IQGAP2: variants seen among roughly 807,000 people sequenced by gnomAD.
IQGAP2 encodes the protein IQ motif containing GTPase activating protein 2, also known as ras GTPase-activating-like protein IQGAP2.
In IQGAP2, 173 loss-of-function variants were observed where a neutral mutation model predicts 201.3. That is an observed-to-expected ratio of 0.86 (90% CI 0.76 to 0.98). IQGAP2 has a LOEUF of 0.98. Among genes scored for constraint, IQGAP2 ranks in the 50% least tolerant of loss-of-function variants. IQGAP2 has a pLI of 0.00. For missense variants in IQGAP2, 1,687 were observed against 1,864.8 expected, an observed-to-expected ratio of 0.90 and a Z score of 1.76; for synonymous variants, 675 against 673.9, an observed-to-expected ratio of 1.00 and a Z score of -0.03.
intron 2 of IQGAP2, among the ~76,000 whole-genome samples, chr5:76,529,379 C>T (rs1241080682): frequency 6.6e-6 from 1 of 152,052 alleles, no homozygotes; most frequent in Admixed American, 6.5e-5. Flanking sequence ...CCTGTAATCC[C>T]AGCACTTTGG....
chr5:76,698,929 T>C (rs1456110359), intron 33 of IQGAP2, among the ~76,000 whole-genome samples: 1 of 152,214 alleles, frequency 6.6e-6, no homozygotes, highest in Non-Finnish European at 1.5e-5. Context: ...ATTATTACAA[T>C]GTGAAATAAT....
intron 17 of IQGAP2, among the ~76,000 whole-genome samples, chr5:76,650,663 T>C (rs1752446202): frequency 6.6e-6 from 1 of 152,250 alleles, no homozygotes; most frequent in Non-Finnish European, 1.5e-5. Context: ...AGGGTACATG[T>C]GCACAACGTG....
At chr5:76,462,578 T>C (rs1223841940) in intron 2 of IQGAP2, among the ~76,000 whole-genome samples, 3 of 152,276 alleles carry the variant, frequency 2.0e-5, no homozygotes, top group Non-Finnish European at 2.9e-5. Flanking sequence ...TATGCCAGGG[T>C]GGAGCGACAG....
At chr5:76,560,094 G>T (rs1744257308) in intron 2 of IQGAP2, among the ~76,000 whole-genome samples, 2 of 152,122 alleles carry the variant, frequency 1.3e-5, no homozygotes, top group South Asian at 2.1e-4. Context: ...TAACATAGAA[G>T]TGTTTTGGTC....
At chr5:76,410,536 G>A (rs900870345) in intron 1 of IQGAP2, among the ~76,000 whole-genome samples, 1 of 152,130 alleles carries the variant, frequency 6.6e-6, no homozygotes, top group African/African-American at 2.4e-5. Flanking sequence ...GCTGCTTAGC[G>A]GCCTCTTCAC....
At chr5:76,525,465 T>C (rs1268536004) in intron 2 of IQGAP2, among the ~76,000 whole-genome samples, 1 of 149,344 alleles carries the variant, frequency 6.7e-6, no homozygotes, top group Non-Finnish European at 1.5e-5. Context: ...TCCAGTGAAT[T>C]TTTTTTTTTT....
intron 30 of IQGAP2, among the ~76,000 whole-genome samples, chr5:76,685,897 G>A (rs1403202474): frequency 6.6e-6 from 1 of 152,166 alleles, no homozygotes; most frequent in East Asian, 1.9e-4. Context: ...TTTATCAGAT[G>A]TGAACCCTGT....
chr5:76,642,011 A>G (rs1156541185), intron 17 of IQGAP2, among the ~76,000 whole-genome samples: 1 of 152,164 alleles, frequency 6.6e-6, no homozygotes, highest in Non-Finnish European at 1.5e-5. Context: ...GGAGCTTAAG[A>G]TATTATTAGC....
intron 1 of IQGAP2, among the ~76,000 whole-genome samples, chr5:76,460,430 T>G (rs993832806): frequency 6.6e-6 from 1 of 152,130 alleles, no homozygotes; most frequent in Non-Finnish European, 1.5e-5. Flanking sequence ...GAACTTGTTC[T>G]GTAGGAAATA....
At chr5:76,439,609 T>A (rs1752916804) in intron 1 of IQGAP2, among the ~76,000 whole-genome samples, 1 of 152,186 alleles carries the variant, frequency 6.6e-6, no homozygotes, top group African/African-American at 2.4e-5. Context: ...CTTTGTCTTT[T>A]TTTTTCTTTT....
At position 76,624,909 on chromosome 5, in the gene IQGAP2, A is replaced by G. The variant is rs532061859; in HGVS notation, c.1522-2501A>G. 5.1e-4 allele frequency among the ~76,000 whole-genome samples: 77 copies of G among 152,270 alleles called. 1 individual carries two copies. Among genetic ancestry groups the G allele is most frequent in the Admixed American group, 2.0e-3 (31 of 15,300 alleles). ...ACCAACATGGTGAAACCCCATCTCT[A>G]CTAAAAATGCAAAAATTAGCTGAGC... is the stretch of plus-strand genomic sequence containing the variant. On this transcript the variant is annotated intron_variant, in intron 13 of 35. Coordinates refer to ENST00000274364, the MANE Select transcript of IQGAP2 (RefSeq NM_006633.5).
rs550343644 is a variant in IQGAP2 at position 76,452,231 on chromosome 5, C to CT, written c.47-9326dup. On this transcript the variant is annotated intron_variant, in intron 1 of 35. Transcript: ENST00000274364. Reference sequence around the variant, plus strand: ...CGCCCAGCCCTTGTTTTTTTCTTTTCTTTTTTTTTTTTTGTTTGTTTTTAT... The same window carrying CT: ...CGCCCAGCCCTTGTTTTTTTCTTTTCTTTTTTTTTTTTTTGTTTGTTTTTAT... 3.4e-3 allele frequency among the ~76,000 whole-genome samples: 462 copies of CT among 136,184 alleles called. 1 individual carries two copies. Among genetic ancestry groups the CT allele is most frequent in the East Asian group, 0.022 (104 of 4,664 alleles). 89.3% of individuals were successfully genotyped at this position (136,184 alleles called of 152,430 possible).
At position 76,579,315 on chromosome 5, in the gene IQGAP2, T is replaced by C. The variant is rs554236523; in HGVS notation, c.458+3546T>C. Among the ~76,000 whole-genome samples, 12 of 152,230 alleles carry C rather than the reference T, an allele frequency of 7.9e-5. No individual in the cohort carries two copies. In the East Asian group the frequency reaches 2.3e-3, roughly 29 times the overall value. Reference sequence around the variant, plus strand: ...AAACAAAAGAATACCCTTTCAAACCTGCCATGATTACAGATCTGGGTTTCG... The same window carrying C: ...AAACAAAAGAATACCCTTTCAAACCCGCCATGATTACAGATCTGGGTTTCG... On this transcript the variant is annotated intron_variant, in intron 5 of 35. Transcript: ENST00000274364.
At chr5:76,643,217 TAATAA>T (rs545729924) in intron 17 of IQGAP2, among the ~76,000 whole-genome samples, 15 of 152,216 alleles carry the variant, frequency 9.9e-5, no homozygotes, top group African/African-American at 3.4e-4. Flanking sequence ...GACAATAGAA[TAATAA>T]AATGAAAAGA....
intron 1 of IQGAP2, among the ~76,000 whole-genome samples, chr5:76,412,471 C>T (rs1463106826): frequency 6.6e-6 from 1 of 152,028 alleles, no homozygotes; most frequent in Non-Finnish European, 1.5e-5. Context: ...TGACATAGTT[C>T]CTGATAATTT....
chr5:76,516,852 G>A (rs1440041181), intron 2 of IQGAP2, among the ~76,000 whole-genome samples: 1 of 152,126 alleles, frequency 6.6e-6, no homozygotes, highest in Non-Finnish European at 1.5e-5. Context: ...CCAAAGACTA[G>A]CTGCTATCTT....
intron 23 of IQGAP2, among the ~76,000 whole-genome samples, chr5:76,670,927 G>A (rs1264353242): frequency 6.6e-6 from 1 of 152,226 alleles, no homozygotes; most frequent in Non-Finnish European, 1.5e-5. Flanking sequence ...AATTGAGGCT[G>A]TGACTTTATT....
chr5:76,567,837 A>G (rs1744861970), intron 3 of IQGAP2, among the ~76,000 whole-genome samples: 1 of 152,212 alleles, frequency 6.6e-6, no homozygotes, highest in African/African-American at 2.4e-5. Flanking sequence ...TCATCTATGC[A>G]GTTTAAACTA....
chr5:76,554,518 A>C (rs1743780777), intron 2 of IQGAP2, among the ~76,000 whole-genome samples: 1 of 152,254 alleles, frequency 6.6e-6, no homozygotes, highest in Admixed American at 6.5e-5. Flanking sequence ...TTTGAAAGAC[A>C]TTTCTCCAAA....
Sources: gnomAD v4.1 joint callset for allele counts (sites outside exome capture counted in the v4.1 genomes callset) on GRCh38, gnomAD v4.1.1 for gene constraint, MANE v1.5 for transcripts, NCBI Gene and HGNC (gene_info 2026-07-23, HGNC 2026-07-21) for gene names.